Variants in KDM6A observed in about 807,000 individuals in gnomAD.
KDM6A encodes the protein lysine-specific demethylase 6A.
A neutral mutation model predicts 117.6 loss-of-function variants in KDM6A; 11 were observed. The observed-to-expected ratio is 0.09, with a 90% confidence interval of 0.06 to 0.15. The LOEUF (loss-of-function observed/expected upper bound fraction) is 0.15, where lower values mean the gene tolerates loss of function less well. Among genes scored for constraint, KDM6A ranks in the 10% least tolerant of loss-of-function variants. KDM6A has a pLI of 1.00. For synonymous variants in KDM6A, 384 were observed against 396.1 expected, an observed-to-expected ratio of 0.97 and a Z score of 0.36; for missense variants, 799 against 1,077.3, an observed-to-expected ratio of 0.74 and a Z score of 3.62.
chrX:44,877,753 T>A (rs1232191530), intron 2 of KDM6A, among the ~76,000 whole-genome samples: 2 of 110,873 alleles, frequency 1.8e-5, no homozygotes, highest in African/African-American at 3.3e-5. Flanking sequence ...TAAATACTCT[T>A]ATTGGAAATT....
chrX:44,938,582 G>GT (rs2037112905), intron 2 of KDM6A, among the ~76,000 whole-genome samples: 1 of 112,354 alleles, frequency 8.9e-6, no homozygotes, highest in Non-Finnish European at 1.9e-5. Context: ...ATGGAGAAGT[G>GT]TAGCAAGTTA....
intron 4 of KDM6A, among the ~76,000 whole-genome samples, chrX:44,992,724 T>G (rs1265756863): frequency 9.2e-6 from 1 of 109,198 alleles, no homozygotes; most frequent in Non-Finnish European, 1.9e-5. Flanking sequence ...CTCATTTTTT[T>G]TTTTGTAGAG....
rs931403834 is a variant in KDM6A at position 45,063,734 on chromosome X, G to A, written c.1996G>A (p.Ala666Thr). ...AAACGTGCCTTACCTGCAGCGAAAC[G>A]CACTCACTCTACCTCATAACCGCAC... ...NGNVPYLQRN[A>T]LTLPHNRTNL... The change falls in exon 17 of 30, where the codon GCA (alanine) becomes ACA (threonine). Residue 666 changes from alanine to threonine, a missense_variant. Coordinates refer to ENST00000611820, the MANE Select transcript of KDM6A (RefSeq NM_001291415.2). 5.8e-6 allele frequency: 7 copies of A among 1,205,734 alleles called. No individual in the cohort carries two copies. The highest frequency in any genetic ancestry group is 1.8e-5 in the African/African-American group (1 of 57,031).
chrX:44,993,937 CT>C (rs1224474638), intron 4 of KDM6A, among the ~76,000 whole-genome samples: 1 of 112,163 alleles, frequency 8.9e-6, no homozygotes, highest in Non-Finnish European at 1.9e-5. Context: ...CTTTATTCAT[CT>C]TTCTGCATCT....
chrX:45,055,642 C>T (rs756506199), intron 10 of KDM6A, among the ~76,000 whole-genome samples: 9 of 111,584 alleles, frequency 8.1e-5, no homozygotes, highest in Non-Finnish European at 1.7e-4. Flanking sequence ...ACTAACTAAA[C>T]TCCATTTGCT....
chrX:45,044,368 T>C (rs995019255), intron 8 of KDM6A, among the ~76,000 whole-genome samples: 10 of 111,986 alleles, frequency 8.9e-5, no homozygotes, highest in Non-Finnish European at 1.9e-4. Flanking sequence ...TTGATTCTTA[T>C]AGCCTTTAAG....
At chrX:44,897,199 TGGTTCACTGACTCTGTCGTCTATCA>T in intron 2 of KDM6A, among the ~76,000 whole-genome samples, 1 of 105,514 alleles carries the variant, frequency 9.5e-6, no homozygotes. Flanking sequence ...TTCTACTGAT[TGGTTCACTGACTCTGTCGTCTATCA>T]TTTCCACTCT....
Position 45,061,483 on chromosome X carries a change from AT to A in KDM6A, c.1581+90del, listed in dbSNP as rs1161774144. ...GAGTAGAGGTAGCAAACAAGTATTA[AT>A]TTTTTTTTTTTTTTTTTTTTTTTTT... On this transcript the variant is annotated intron_variant, in intron 15 of 29. Coordinates refer to ENST00000611820, the MANE Select transcript of KDM6A (RefSeq NM_001291415.2). The A allele has an allele frequency of 0.08, 17,245 of 216,312 alleles. 45 individuals are homozygous for A. Among genetic ancestry groups the A allele is most frequent in the African/African-American group, 0.1 (1,737 of 16,678 alleles). The allele number at this position is 216,312 out of a possible 1,213,427, so 17.8% of individuals were successfully genotyped here. A position where few individuals can be genotyped will look rare whatever the true frequency, so the allele number is the denominator to read the frequency against.
At chrX:45,011,063 G>A in intron 5 of KDM6A, 44 bp downstream of exon 5, 1 of 981,349 alleles carries the variant, frequency 1.0e-6, no homozygotes, top group East Asian at 3.1e-5. Flanking sequence ...TTCAGTAAAT[G>A]GCTTGTTTGC....
chrX:44,975,986 T>A (rs933303583), intron 4 of KDM6A, among the ~76,000 whole-genome samples: 2 of 112,300 alleles, frequency 1.8e-5, no homozygotes, highest in African/African-American at 6.5e-5. Flanking sequence ...GTTTGTGAGG[T>A]GGAAACCTGC....
intron 8 of KDM6A, among the ~76,000 whole-genome samples, chrX:45,038,770 G>GA (rs1337301733): frequency 3.6e-5 from 4 of 109,844 alleles, no homozygotes; most frequent in South Asian, 3.8e-4. Context: ...AAAGTAAAAT[G>GA]AAAAAAAAGT....
chrX:45,042,680 GGAAGAAGTTTCCCCACTTCTCTA>G (rs2043327783), intron 8 of KDM6A, among the ~76,000 whole-genome samples: 1 of 98,230 alleles, frequency 1.0e-5, no homozygotes, highest in African/African-American at 4.7e-5. Flanking sequence ...TCTCTACATA[GGAAGAAGTTTCCCCACTTCTCTA>G]CATAGGAAGA....
At chrX:44,922,573 A>G (rs1054204991) in intron 2 of KDM6A, among the ~76,000 whole-genome samples, 6 of 111,371 alleles carry the variant, frequency 5.4e-5, no homozygotes, top group Admixed American at 4.7e-4. Flanking sequence ...CGTTCAAGTG[A>G]TTCTTATGCT....
intron 2 of KDM6A, among the ~76,000 whole-genome samples, chrX:44,896,501 T>TA (rs1293207923): frequency 9.0e-6 from 1 of 110,765 alleles, no homozygotes; most frequent in Non-Finnish European, 1.9e-5. Context: ...TAAGCAGAAC[T>TA]AAAAAAAGAT....
intron 2 of KDM6A, among the ~76,000 whole-genome samples, chrX:44,926,368 C>T (rs1410530587): frequency 9.0e-6 from 1 of 111,276 alleles, no homozygotes; most frequent in Non-Finnish European, 1.9e-5. Flanking sequence ...TGAACCACCA[C>T]TCCCGGCCAA....
At chrX:45,086,098 G>A (rs946940094) in intron 25 of KDM6A, 119 bp downstream of exon 25, 21 of 484,497 alleles carry the variant, frequency 4.3e-5, no homozygotes, top group Middle Eastern at 4.3e-4. Flanking sequence ...ACCATTCAGC[G>A]AAGAATTCAT....
At chrX:44,936,354 A>T (rs953795898) in intron 2 of KDM6A, among the ~76,000 whole-genome samples, 1 of 111,261 alleles carries the variant, frequency 9.0e-6, no homozygotes, top group African/African-American at 3.3e-5. Context: ...TACTTGATTT[A>T]GAAACACCCT....
intron 2 of KDM6A, among the ~76,000 whole-genome samples, chrX:44,923,036 C>T (rs1407919979): frequency 3.6e-5 from 4 of 111,169 alleles, no homozygotes; most frequent in African/African-American, 1.3e-4. Flanking sequence ...TTTTTTCTCT[C>T]CTGTATTCAT....
intron 4 of KDM6A, among the ~76,000 whole-genome samples, chrX:44,979,997 CCTT>C (rs1569498874): frequency 1.4e-4 from 10 of 73,120 alleles, no homozygotes; most frequent in African/African-American, 4.9e-4. Context: ...TTCTTTCTTT[CCTT>C]TTTTTTTTTT....
Sources: allele counts gnomAD v4.1 joint callset (sites outside exome capture counted in the v4.1 genomes callset), GRCh38; gene constraint gnomAD v4.1.1; transcripts MANE v1.5; gene names NCBI Gene and HGNC (gene_info 2026-07-23, HGNC 2026-07-21).